Variants in KAZN observed in about 807,000 individuals in gnomAD.
The protein encoded by KAZN is kazrin.
KAZN carries 40 observed loss-of-function variants against 87.4 expected under a neutral mutation model. The ratio of observed to expected loss-of-function variants is 0.46; its 90% confidence interval spans 0.36 to 0.60. KAZN has a LOEUF of 0.60. Ranked by LOEUF, KAZN falls within the 20% of genes least tolerant of loss-of-function variation. The pLI is 0.00. For missense variants in KAZN, 898 were observed against 1,073.9 expected (o/e 0.84, Z 2.29); for synonymous variants, 466 against 458.3 (o/e 1.02, Z -0.22).
Position 14,541,373 on chromosome 1 carries a change from G to A in KAZN, c.250-57610G>A, listed in dbSNP as rs114868715. 7.5e-3 allele frequency among the ~76,000 whole-genome samples: 1,141 copies of A among 152,262 alleles called. 10 individuals carry two copies. The highest frequency in any genetic ancestry group is 0.011 in the Non-Finnish European group (775 of 68,020). On this transcript the variant is annotated intron_variant, in intron 2 of 16. Coordinates refer to the KAZN transcript ENST00000636203. ...GATATACAATAAGTTCTTTCCTGGG[G>A]CATGTGAATATGTGTTCTTCCCATT...
chr1:14,327,194 T>C (rs557499987), intron 2 of KAZN, among the ~76,000 whole-genome samples: 6 of 152,346 alleles, frequency 3.9e-5, no homozygotes, highest in Admixed American at 2.6e-4. Flanking sequence ...TTTCTTTTTA[T>C]AAGTTAGAGT....
rs1021598201 is a variant in KAZN at position 15,094,610 on chromosome 1, C to T, written c.1429-205C>T. On this transcript the variant is annotated intron_variant, in intron 9 of 14. Coordinates refer to ENST00000376030, the MANE Select transcript of KAZN (RefSeq NM_201628.3). This position sits in a 1 kb window ranked among gnomAD's most constrained non-coding sequence, Gnocchi z 4.5. ...TGACAATGGACCCAGGTTTCCTTTA[C>T]CTGCCTAAGGGAAAGGGCTCCCTCT... Among the ~76,000 whole-genome samples the T allele has an allele frequency of 2.6e-5, 4 of 152,212 alleles. No homozygotes were observed. Among genetic ancestry groups the T allele is most frequent in the Non-Finnish European group, 5.9e-5 (4 of 68,030 alleles).
chr1:14,011,792 A>T (rs1372683213), intron 1 of KAZN, among the ~76,000 whole-genome samples: 1 of 152,226 alleles, frequency 6.6e-6, no homozygotes, highest in Non-Finnish European at 1.5e-5. Context: ...ATTAAATGAA[A>T]TAATACATGT....
chr1:15,014,417 A>G (rs1047915569), intron 2 of KAZN, among the ~76,000 whole-genome samples: 7 of 152,102 alleles, frequency 4.6e-5, no homozygotes, highest in Non-Finnish European at 8.8e-5. Flanking sequence ...GAGGCTGGGT[A>G]TGGTTATCAT....
At chr1:14,526,909 T>C (rs187271814) in intron 2 of KAZN, among the ~76,000 whole-genome samples, 1 of 152,196 alleles carries the variant, frequency 6.6e-6, no homozygotes, top group South Asian at 2.1e-4. Flanking sequence ...CCAGAGGAGA[T>C]GTTATAGTGC....
intron 1 of KAZN, among the ~76,000 whole-genome samples, chr1:13,942,801 T>C (rs796726742): frequency 1.3e-5 from 2 of 152,274 alleles, no homozygotes; most frequent in African/African-American, 4.8e-5. Flanking sequence ...AGCTAGAATC[T>C]ATAAAAATTA....
chr1:14,950,174 TGA>T (rs1462285464), intron 1 of KAZN, among the ~76,000 whole-genome samples: 2 of 152,088 alleles, frequency 1.3e-5, no homozygotes, highest in African/African-American at 4.8e-5. Context: ...GGGTGTTATT[TGA>T]GAGTCTTCTC....
Position 15,112,472 on chromosome 1 carries a change from C to A in KAZN, c.2094C>A (p.Gly698=). 6.2e-7 allele frequency: 1 copy of A among 1,606,290 alleles called. No individual in the cohort carries two copies. Among genetic ancestry groups the A allele is most frequent in the Non-Finnish European group, 8.5e-7 (1 of 1,177,278 alleles). The change falls in exon 14 of 15, where the codon GGC becomes GGA. Residue 698 remains glycine, a synonymous_variant. Coordinates refer to ENST00000376030, the MANE Select transcript of KAZN (RefSeq NM_201628.3). ...CTGAGCGTTTTGGAACGCCCCCTGG[C>A]AGGGCCTCCAGCGTCACGCGGGCAG... ...REAERFGTPP[G]RASSVTRAGK... is the part of the protein sequence containing the mutation.
intron 1 of KAZN, among the ~76,000 whole-genome samples, chr1:14,897,465 C>T (rs1655397173): frequency 6.6e-6 from 1 of 152,046 alleles, no homozygotes; most frequent in African/African-American, 2.4e-5. Context: ...CCCCAATAAG[C>T]TTTGGTTTAT....
At chr1:14,364,381 G>A (rs4661486) in intron 2 of KAZN, among the ~76,000 whole-genome samples, 141,153 of 152,236 alleles carry the variant, frequency 0.93, 65,751 homozygotes, top group Non-Finnish European at 0.97. Context: ...CCACTACAAC[G>A]ATCGAATGGG....
intron 1 of KAZN, among the ~76,000 whole-genome samples, chr1:14,018,160 T>C (rs1640656515): frequency 6.6e-6 from 1 of 152,184 alleles, no homozygotes; most frequent in Admixed American, 6.5e-5. Context: ...TTCTAAATAA[T>C]GAACTCAGAG....
chr1:14,816,300 C>T (rs562253609), intron 1 of KAZN, among the ~76,000 whole-genome samples: 5 of 152,148 alleles, frequency 3.3e-5, no homozygotes, highest in East Asian at 1.9e-4. Flanking sequence ...TCCTCTGCTC[C>T]GAGTCTCACA....
chr1:15,041,065 C>G (rs1400407159), intron 3 of KAZN, among the ~76,000 whole-genome samples: 1 of 152,018 alleles, frequency 6.6e-6, no homozygotes, highest in Non-Finnish European at 1.5e-5. Flanking sequence ...ATTCTCGTGC[C>G]TCAGCCTCTG....
At chr1:14,416,594 G>A (rs561407488) in intron 2 of KAZN, among the ~76,000 whole-genome samples, 2 of 152,014 alleles carry the variant, frequency 1.3e-5, no homozygotes, top group African/African-American at 2.4e-5. Flanking sequence ...AAAATTAGCC[G>A]GGCATGGTGG....
At chr1:14,197,699 T>TAAC (rs936278359) in intron 2 of KAZN, among the ~76,000 whole-genome samples, 1 of 151,718 alleles carries the variant, frequency 6.6e-6, no homozygotes, top group Non-Finnish European at 1.5e-5. Flanking sequence ...AACAAAACAA[T>TAAC]AACAACAACA....
intron 1 of KAZN, among the ~76,000 whole-genome samples, chr1:14,075,106 C>T (rs1434018818): frequency 1.3e-5 from 2 of 152,072 alleles, no homozygotes; most frequent in Non-Finnish European, 2.9e-5. Context: ...AAATATTTGG[C>T]TCATATTGCT....
intron 2 of KAZN, among the ~76,000 whole-genome samples, chr1:14,532,455 TTTATTATTA>T (rs58279675): frequency 2.5e-4 from 37 of 148,316 alleles, no homozygotes; most frequent in Admixed American, 4.0e-4. Flanking sequence ...AACATGTGTT[TTTATTATTA>T]TTATTATTAT....
At chr1:14,952,014 T>C (rs1437084114) in intron 1 of KAZN, among the ~76,000 whole-genome samples, 1 of 152,270 alleles carries the variant, frequency 6.6e-6, no homozygotes, top group East Asian at 1.9e-4. Flanking sequence ...TGCCAATGTC[T>C]GTGAGCCTCA....
At chr1:14,154,881 T>C (rs1432264269) in intron 1 of KAZN, among the ~76,000 whole-genome samples, 1 of 152,188 alleles carries the variant, frequency 6.6e-6, no homozygotes, top group East Asian at 1.9e-4. Context: ...TCATATATTG[T>C]TGAATTTGGC....
Sources: allele counts gnomAD v4.1 joint callset (sites outside exome capture counted in the v4.1 genomes callset), GRCh38; gene constraint gnomAD v4.1.1; non-coding constraint Gnocchi (gnomAD v3.1); transcripts MANE v1.5; gene names NCBI Gene and HGNC (gene_info 2026-07-23, HGNC 2026-07-21).